Variants in DLGAP1 observed in about 807,000 individuals in gnomAD.
DLGAP1 encodes the protein DLG associated protein 1.
Under a neutral mutation model 90.8 loss-of-function variants are expected in DLGAP1, and 11 were observed. That is an observed-to-expected ratio of 0.12 (90% CI 0.08 to 0.20). DLGAP1 has a LOEUF of 0.20. Among genes scored for constraint, DLGAP1 ranks in the 10% least tolerant of loss-of-function variants. The probability of loss-of-function intolerance (pLI) is 1.00; values close to 1 mark genes in which losing one functional copy is unlikely to be tolerated. For synonymous variants in DLGAP1, 558 were observed against 540.7 expected, an observed-to-expected ratio of 1.03 and a Z score of -0.44; for missense variants, 1,050 against 1,333.8, an observed-to-expected ratio of 0.79 and a Z score of 3.31.
chr18:3,581,920 C>T lies in DLGAP1; in HGVS notation c.1920G>A (p.Lys640=), dbSNP rs1568237309. The change falls in exon 8 of 13, where the codon AAG becomes AAA. Residue 640 remains lysine (K), a synonymous_variant. Transcript: ENST00000315677. ...TIATVTTEDR[K]KDHFKKNRCL... is the part of the protein sequence containing the mutation. ...ATCGATTTTTCTTAAAGTGGTCCTT[C>T]TTCCTGTCCTCCGTGGTGACGGTGG... The T allele has an allele frequency of 1.2e-6, 2 of 1,614,204 alleles. No individual in the cohort carries two copies. The highest frequency in any genetic ancestry group is 1.7e-6 in the Non-Finnish European group (2 of 1,180,026).
At chr18:4,330,428 T>C (rs1212343420) in intron 1 of DLGAP1, among the ~76,000 whole-genome samples, 1 of 151,846 alleles carries the variant, frequency 6.6e-6, no homozygotes, top group African/African-American at 2.4e-5. Context: ...TTTCTTTTCT[T>C]GCCATATAGT....
chr18:3,689,085 G>A (rs969835081), intron 7 of DLGAP1, among the ~76,000 whole-genome samples: 2 of 152,142 alleles, frequency 1.3e-5, no homozygotes, highest in Non-Finnish European at 2.9e-5. Flanking sequence ...CAGGCACAAT[G>A]TTTTTGCACA....
At chr18:4,303,966 A>T (rs2080189241) in intron 1 of DLGAP1, among the ~76,000 whole-genome samples, 1 of 152,188 alleles carries the variant, frequency 6.6e-6, no homozygotes, top group South Asian at 2.1e-4. Flanking sequence ...AAAAAGGAAA[A>T]CCCATGTGTT....
intron 1 of DLGAP1, among the ~76,000 whole-genome samples, chr18:4,302,249 T>C (rs1287706707): frequency 6.6e-6 from 1 of 152,184 alleles, no homozygotes; most frequent in Non-Finnish European, 1.5e-5. Context: ...TTCCCCCGTA[T>C]TTTCTTCTAG....
chr18:4,231,203 C>T (rs989644), intron 1 of DLGAP1, among the ~76,000 whole-genome samples: 9,762 of 152,130 alleles, frequency 0.064, 435 homozygotes, highest in African/African-American at 0.12. Context: ...CTCAAACACG[C>T]ATAAATTTTT....
Position 3,959,180 on chromosome 18 carries a change from T to G in DLGAP1, c.-73+45936A>C, listed in dbSNP as rs577491677. 1.6e-4 allele frequency among the ~76,000 whole-genome samples: 25 copies of G among 152,316 alleles called. No individual in the cohort carries two copies. In the East Asian group the frequency reaches 4.6e-3, roughly 28 times the overall value. ...CATCCTTATAATCGCCTCAGTTTTT[T>G]TTTTGAAAGAGGCAGAAATATTTCT... is the stretch of plus-strand genomic sequence containing the variant. On this transcript the variant is annotated intron_variant, in intron 3 of 12. Transcript: ENST00000315677.
intron 5 of DLGAP1, among the ~76,000 whole-genome samples, chr18:3,769,157 C>G (rs1163403042): frequency 6.6e-6 from 1 of 152,102 alleles, no homozygotes; most frequent in African/African-American, 2.4e-5. Flanking sequence ...TTCAACATCA[C>G]TAGTCATTAA....
chr18:4,142,743 C>A (rs75892562), intron 2 of DLGAP1, among the ~76,000 whole-genome samples: 1 of 151,956 alleles, frequency 6.6e-6, no homozygotes, highest in Non-Finnish European at 1.5e-5. Context: ...GAATGCTCTC[C>A]AGGTATTGGT....
rs60379984 is a variant in DLGAP1, at chr18:4,354,887, C to CAAAAAAAAAAAAA, written c.-267+100106_-267+100118dup. Among the ~76,000 whole-genome samples the CAAAAAAAAAAAAA allele has an allele frequency of 1.4e-3, 34 of 23,874 alleles. 8 individuals carry two copies. The highest frequency in any genetic ancestry group is 7.7e-3 in the South Asian group (2 of 260). The allele number at this position is 23,874 out of a possible 152,430, so 15.7% of individuals were successfully genotyped here. On this transcript the variant is annotated intron_variant, in intron 1 of 12. Coordinates refer to ENST00000315677, the MANE Select transcript of DLGAP1 (RefSeq NM_004746.4). ...TGGCTTTTTCTGCAATTACTCTCAC[C>CAAAAAAAAAAAAA]AAAAAAAAAAAAAAAAAAAAAAAAA...
At chr18:4,412,370 GC>G (rs1298491601) in intron 1 of DLGAP1, among the ~76,000 whole-genome samples, 1 of 152,210 alleles carries the variant, frequency 6.6e-6, no homozygotes, top group Non-Finnish European at 1.5e-5. Flanking sequence ...AGAGGGCTCT[GC>G]CTTGCAAGAT....
At chr18:4,225,957 C>T (rs965912390) in intron 1 of DLGAP1, among the ~76,000 whole-genome samples, 1 of 152,196 alleles carries the variant, frequency 6.6e-6, no homozygotes, top group South Asian at 2.1e-4. Context: ...GGTTATAGAA[C>T]ATCAAGCAGA....
intron 8 of DLGAP1, chr18:3,571,155 T>C (rs994781955): frequency 1.3e-5 from 2 of 151,954 alleles, no homozygotes; most frequent in African/African-American, 4.8e-5. Context: ...AGTATTCCTG[T>C]GTAGGAATAG....
intron 4 of DLGAP1, among the ~76,000 whole-genome samples, chr18:3,844,003 C>T (rs751601643): frequency 6.6e-6 from 1 of 152,118 alleles, no homozygotes; most frequent in Admixed American, 6.6e-5. Context: ...GAAATGTGAA[C>T]AATTTCAAGG....
intron 4 of DLGAP1, among the ~76,000 whole-genome samples, chr18:3,858,503 CAT>C (rs1242317684): frequency 1.4e-5 from 2 of 147,634 alleles, no homozygotes; most frequent in African/African-American, 2.5e-5. Flanking sequence ...TGTATATATA[CAT>C]ATATATACAC....
At chr18:3,833,131 T>C (rs570242879) in intron 4 of DLGAP1, among the ~76,000 whole-genome samples, 3 of 76 alleles carry the variant, frequency 0.039, no homozygotes, top group Non-Finnish European at 0.071. Context: ...AATTATAAGA[T>C]TCCTTCCTTC....
In DLGAP1 at chr18:3,905,696, C is replaced by T. The variant is rs369671194; in HGVS notation, c.-72-25556G>A. 1.2e-3 allele frequency among the ~76,000 whole-genome samples: 180 copies of T among 152,178 alleles called. 2 individuals carry two copies. Among genetic ancestry groups the T allele is most frequent in the African/African-American group, 2.4e-4 (10 of 41,530 alleles). ...TAGGCCCCAGCTAAGCAGTGAATTT[C>T]GAACTAGAAAAGGACCATAAAAATA... On this transcript the variant is annotated intron_variant, in intron 3 of 12. Coordinates refer to ENST00000315677, the MANE Select transcript of DLGAP1 (RefSeq NM_004746.4).
chr18:4,044,302 G>A (rs528680912), intron 2 of DLGAP1, among the ~76,000 whole-genome samples: 1 of 152,310 alleles, frequency 6.6e-6, no homozygotes, highest in Admixed American at 6.5e-5. Context: ...ATGGCTTCAC[G>A]TAAAAGGAGT....
intron 1 of DLGAP1, among the ~76,000 whole-genome samples, chr18:4,367,961 A>T (rs1012242724): frequency 6.0e-5 from 9 of 150,704 alleles, no homozygotes; most frequent in Admixed American, 5.9e-4. Context: ...TGAATCAAAA[A>T]TTTGATGAAT....
chr18:3,761,736 G>A (rs1850480295), intron 5 of DLGAP1, among the ~76,000 whole-genome samples: 1 of 151,836 alleles, frequency 6.6e-6, no homozygotes, highest in African/African-American at 2.4e-5. Flanking sequence ...CCACCACGTC[G>A]GGCTAATTTT....
Sources: allele counts gnomAD v4.1 joint callset (sites outside exome capture counted in the v4.1 genomes callset), GRCh38; gene constraint gnomAD v4.1.1; transcripts MANE v1.5; gene names NCBI Gene and HGNC (gene_info 2026-07-23, HGNC 2026-07-21).